SBNO1: variants seen among roughly 807,000 people sequenced by gnomAD.
SBNO1 encodes strawberry notch homolog 1, also known as protein strawberry notch homolog 1.
SBNO1 carries 23 observed loss-of-function variants against 173.6 expected under a neutral mutation model. The ratio of observed to expected loss-of-function variants is 0.13; its 90% CI spans 0.10 to 0.19. The LOEUF is 0.19. Among genes scored for constraint, SBNO1 ranks in the 10% least tolerant of loss-of-function variants. The pLI is 1.00. For synonymous variants in SBNO1, 632 were observed against 571.5 expected (o/e 1.11, Z -1.51); for missense variants, 1,238 against 1,671.2 (o/e 0.74, Z 4.52).
intron 4 of SBNO1, among the ~76,000 whole-genome samples, chr12:123,342,247 T>C (rs1872653627): frequency 6.7e-6 from 1 of 149,604 alleles, no homozygotes; most frequent in African/African-American, 2.5e-5. Flanking sequence ...TAAAACTCTG[T>C]CTCAAAAAAA....
intron 30 of SBNO1, among the ~76,000 whole-genome samples, chr12:123,300,433 G>T (rs1245485568): frequency 6.6e-6 from 1 of 151,370 alleles, no homozygotes; most frequent in Non-Finnish European, 1.5e-5. Flanking sequence ...AGAGGCAGGC[G>T]GATCACGAGG....
chr12:123,333,194 C>T (rs1246577797), intron 7 of SBNO1, among the ~76,000 whole-genome samples: 2 of 151,952 alleles, frequency 1.3e-5, no homozygotes, highest in Non-Finnish European at 2.9e-5. Flanking sequence ...AGTTTTATAT[C>T]ACACAAAATA....
chr12:123,321,751 AAG>A lies in SBNO1; in HGVS notation c.2126-21_2126-20del, dbSNP rs1355606612. 6 of 1,606,924 alleles carry A rather than the reference AAG, an allele frequency of 3.7e-6. No individual in the cohort carries two copies. Among genetic ancestry groups the A allele is most frequent in the African/African-American group, 2.7e-5 (2 of 74,696 alleles). ...TCTTCACCTACCCTCCGCCACAAAC[AAG>A]AGAGTCAGCCCAAATTCAATGTTTC... On this transcript the variant is annotated intron_variant, in intron 16 of 31. Coordinates refer to ENST00000602398, the MANE Select transcript of SBNO1 (RefSeq NM_001167856.3).
intron 7 of SBNO1, 69 bp from the exon 8 acceptor site, chr12:123,331,444 G>A (rs1871194088): frequency 1.5e-6 from 2 of 1,347,290 alleles, no homozygotes; most frequent in African/African-American, 2.1e-5. Context: ...TTCATACACT[G>A]TTTTAGGAGT....
Position 123,336,426 on chromosome 12 carries a change from T to C in SBNO1, c.717A>G (p.Ala239=), listed in dbSNP as rs760504769. The change falls in exon 6 of 32, where the codon GCA becomes GCG. Residue 239 remains alanine, a synonymous_variant. Coordinates refer to ENST00000602398, the MANE Select transcript of SBNO1 (RefSeq NM_001167856.3). ...TTGGCATGTATTCTGCATAGGTTTC[T>C]GCATGACCCATTTCTTCTTCATCTT... is the stretch of plus-strand genomic sequence containing the variant. The part of the protein sequence containing the change: ...EEEDEEEMGH[A]ETYAEYMPIK... 2.5e-6 allele frequency: 4 copies of C among 1,611,832 alleles called. No homozygotes were observed. The South Asian group carries it at 3.3e-5, about 13-fold the overall frequency.
Position 123,325,505 on chromosome 12 carries a change from G to A in SBNO1, c.1970C>T (p.Ala657Val). The A allele has an allele frequency of 6.2e-7, 1 of 1,601,414 alleles. No individual in the cohort carries two copies. The highest frequency in any genetic ancestry group is 8.6e-7 in the Non-Finnish European group (1 of 1,169,020). ...ATTAAAAGAACAAAAACATTACTTG[G>A]CAGTTGAAACAAAATCATTCAATTC... is the stretch of plus-strand genomic sequence containing the variant. ...GGELNDFVST[A>V]KGVLQSLIEK... The change falls in exon 15 of 32, where the codon GCC becomes GTC. Residue 657 changes from alanine (A) to valine (V), a missense_variant. This residue lies in a region of SBNO1 where 182 missense variants were observed against 339.9 expected (regional missense o/e 0.54). Transcript: ENST00000602398.
At chr12:123,306,374 C>G (rs2138902798) in intron 28 of SBNO1, among the ~76,000 whole-genome samples, 1 of 152,256 alleles carries the variant, frequency 6.6e-6, no homozygotes, top group East Asian at 1.9e-4. Context: ...AGTGGAGGTT[C>G]AAAGGCAAAC....
At chr12:123,321,768 T>C (rs1272084441) in intron 16 of SBNO1, 36 bp from the exon 17 acceptor site, 2 of 1,537,492 alleles carry the variant, frequency 1.3e-6, no homozygotes, top group South Asian at 1.1e-5. Context: ...TCAGCCCAAA[T>C]TCAATGTTTC....
In SBNO1 at chr12:123,301,443, C is replaced by G. The variant is rs143825748; in HGVS notation, c.3845+1381G>C. 7.7e-3 allele frequency among the ~76,000 whole-genome samples: 1,171 copies of G among 152,190 alleles called. 19 individuals are homozygous for G. The highest frequency in any genetic ancestry group is 0.026 in the African/African-American group (1,080 of 41,510). ...TGCAGAACAGCCCAAACAATCAAAA[C>G]AAACAAAAAGCCCCTCAAGCTAAAA... On this transcript the variant is annotated intron_variant, in intron 30 of 31. Coordinates refer to ENST00000602398, the MANE Select transcript of SBNO1 (RefSeq NM_001167856.3).
chr12:123,352,792 A>T (rs965923842), intron 1 of SBNO1, among the ~76,000 whole-genome samples: 11 of 152,008 alleles, frequency 7.2e-5, no homozygotes, highest in African/African-American at 2.7e-4. Flanking sequence ...GAGGAAAAAC[A>T]GACACCCCAA....
At chr12:123,317,422 G>A in intron 20 of SBNO1, 66 bp from the exon 21 acceptor site, 1 of 1,450,152 alleles carries the variant, frequency 6.9e-7, no homozygotes, top group Non-Finnish European at 9.6e-7. Flanking sequence ...TGCCTTAAAT[G>A]AAGTCCTTCA....
rs1352456870 is a variant in SBNO1, at chr12:123,326,158, A to G, written c.1869T>C (p.Asn623=). 1 of 1,604,328 alleles carries G rather than the reference A, an allele frequency of 6.2e-7. No homozygotes were observed. The highest frequency in any genetic ancestry group is 8.5e-7 in the Non-Finnish European group (1 of 1,174,326). The change falls in exon 14 of 32, where the codon AAT becomes AAC. Residue 623 remains asparagine (N), a synonymous_variant. Transcript: ENST00000602398. ...VVQLAREEIK[N]GKCVVIGLQS... The stretch of plus-strand genomic sequence containing the variant: ...AATGAGTTCTTCTACTTACTTTTCC[A>G]TTCTTGATTTCCTCTCGAGCTAGTT...
At chr12:123,298,665 T>A (rs2048683348) in intron 30 of SBNO1, among the ~76,000 whole-genome samples, 1 of 152,256 alleles carries the variant, frequency 6.6e-6, no homozygotes, top group South Asian at 2.1e-4. Flanking sequence ...TCAGGCTGAT[T>A]TTTAAAACCA....
At position 123,300,351 on chromosome 12, in the gene SBNO1, G is replaced by A. The variant is rs545074692; in HGVS notation, c.3846-2180C>T. ...GCTAGGAGCCACTGCACTGTCCCCA[G>A]AGGAAATGTTTTAGAAAATGTTTAG... On this transcript the variant is annotated intron_variant, in intron 30 of 31. Transcript: ENST00000602398. 3.9e-5 allele frequency among the ~76,000 whole-genome samples: 6 copies of A among 152,212 alleles called. No individual in the cohort carries two copies. The South Asian group carries it at 1.0e-3, about 26-fold the overall frequency.
At chr12:123,345,051 A>C (rs1194790941) in intron 4 of SBNO1, among the ~76,000 whole-genome samples, 1 of 152,226 alleles carries the variant, frequency 6.6e-6, no homozygotes, top group Non-Finnish European at 1.5e-5. Context: ...ATGATCCTAG[A>C]AATCACATTT....
At chr12:123,313,205 T>TAA (rs1566028696) in intron 24 of SBNO1, among the ~76,000 whole-genome samples, 1 of 55,792 alleles carries the variant, frequency 1.8e-5, no homozygotes, top group Non-Finnish European at 3.2e-5. Context: ...GGTCTTAAAA[T>TAA]AAATAAATAA....
Position 123,293,126 on chromosome 12 carries a change from G to A in SBNO1, c.*2782C>T, listed in dbSNP as rs1012316311. 2.6e-5 allele frequency: 4 copies of A among 152,226 alleles called. No individual in the cohort carries two copies. Among genetic ancestry groups the A allele is most frequent in the Non-Finnish European group, 5.9e-5 (4 of 68,052 alleles). 9.4% of individuals were successfully genotyped at this position (152,226 alleles called of 1,614,324 possible). A position where few individuals can be genotyped will look rare whatever the true frequency, so the allele number is the denominator to read the frequency against. ...TTGCTAAAAAGAAAAAGGCATTGCA[G>A]AGGCAAAGTGGACATGGGGTTAATT... On this transcript the variant is annotated 3_prime_UTR_variant, in exon 32 of 32. Transcript: ENST00000602398.
Position 123,328,801 on chromosome 12 carries a change from G to C in SBNO1, c.1229C>G (p.Ser410Cys). Residue 410 changes from serine to cysteine, a missense_variant, in exon 10 of 32, where the codon TCT becomes TGT. Ser to Cys is a moderately radical substitution (Grantham distance 112). This residue lies in a region of SBNO1 where 182 missense variants were observed against 339.9 expected (regional missense o/e 0.54). Coordinates refer to ENST00000602398, the MANE Select transcript of SBNO1 (RefSeq NM_001167856.3). The part of the protein sequence containing the change: ...TYSSLIGESQ[S>C]GGKYKTRLKQ... ...TAACCTAGTTTTATACTTGCCGCCA[G>C]ACTGGCTTTCACCAATAAGTGAAGA... 3 of 1,610,636 alleles carry C rather than the reference G, an allele frequency of 1.9e-6. No individual in the cohort carries two copies. Among genetic ancestry groups the C allele is most frequent in the Non-Finnish European group, 2.5e-6 (3 of 1,177,714 alleles).
At chr12:123,358,958 A>T (rs138663249) in intron 1 of SBNO1, among the ~76,000 whole-genome samples, 194 of 150,778 alleles carry the variant, frequency 1.3e-3, no homozygotes, top group Non-Finnish European at 2.0e-3. Context: ...TTTGAGATGG[A>T]CTCTTGCTCT....
Sources: gnomAD v4.1 joint callset for allele counts (sites outside exome capture counted in the v4.1 genomes callset) on GRCh38, gnomAD v4.1.1 for gene constraint, gnomAD v4.1.1 regional missense constraint, MANE v1.5 for transcripts, NCBI Gene and HGNC (gene_info 2026-07-23, HGNC 2026-07-21) for gene names.